The following MUC4 variants were observed in gnomAD, a reference collection of about 807,000 sequenced individuals.
MUC4 encodes mucin-4.
In MUC4, 202 loss-of-function variants were observed where a neutral mutation model predicts 257.9. The ratio of observed to expected loss-of-function variants is 0.78; its 90% confidence interval spans 0.70 to 0.88. The LOEUF (loss-of-function observed/expected upper bound fraction) is 0.88, where lower values mean the gene tolerates loss of function less well. MUC4 is among the 40% of genes least tolerant of loss of function. The pLI, the probability that MUC4 is intolerant of heterozygous loss-of-function variation, is 0.00. For missense variants in MUC4, 5,976 were observed against 6,513.7 expected (o/e 0.92, Z 2.84); for synonymous variants, 2,351 against 2,757.1 (o/e 0.85, Z 4.62).
intron 23 of MUC4, 71 bp downstream of exon 23, chr3:195,750,818 G>A (rs375068067): frequency 1.7e-5 from 23 of 1,375,444 alleles, no homozygotes; most frequent in Non-Finnish European, 2.4e-5. Flanking sequence ...TTGTTTGTGT[G>A]GGCTGAAGCA....
intron 13 of MUC4, 99 bp from the exon 14 acceptor site, chr3:195,762,353 T>G: frequency 7.6e-7 from 1 of 1,319,890 alleles, no homozygotes. Flanking sequence ...ACCCCGCCCC[T>G]GGGGCTGAAG....
At chr3:195,754,444 A>G in intron 18 of MUC4, 72 bp from the exon 19 acceptor site, 1 of 1,524,808 alleles carries the variant, frequency 6.6e-7, no homozygotes, top group Non-Finnish European at 8.8e-7. Context: ...TTTCTGACTG[A>G]CCCCTTTGGC....
At chr3:195,761,875 G>A (rs753965712) in intron 14 of MUC4, among the ~76,000 whole-genome samples, 7 of 152,042 alleles carry the variant, frequency 4.6e-5, no homozygotes, top group Admixed American at 2.6e-4. Context: ...AGCCCCCCCT[G>A]ATGCTCCCTT....
At position 195,753,147 on chromosome 3, in the gene MUC4, T is replaced by C; in HGVS notation, c.15412A>G (p.Thr5138Ala). The C allele has an allele frequency of 6.2e-7, 1 of 1,612,894 alleles. No individual in the cohort carries two copies. The highest frequency in any genetic ancestry group is 8.5e-7 in the Non-Finnish European group (1 of 1,179,630). The change falls in exon 20 of 25, where the codon ACT becomes GCT. Residue 5138 changes from threonine to alanine, a missense_variant. Physicochemically the swap from Thr to Ala is moderately conservative, Grantham distance 58. Transcript: ENST00000463781. ...GTGCACATGGGCTGACAGCCCAGAGTCTGGGAGATGTAGCAGTGGCCTTGA... is the reference window on the plus strand; with the variant it reads ...GTGCACATGGGCTGACAGCCCAGAGCCTGGGAGATGTAGCAGTGGCCTTGA... ...YNQGHCYISQ[T>A]LGCQPMCTCP...
At position 195,788,622 on chromosome 3, in the gene MUC4, G is replaced by T; in HGVS notation, c.2958C>A (p.Ser986=). 1 of 1,249,022 alleles carries T rather than the reference G, an allele frequency of 8.0e-7. No homozygotes were observed. The highest frequency in any genetic ancestry group is 1.1e-6 in the Non-Finnish European group (1 of 871,950). The allele number at this position is 1,249,022 out of a possible 1,614,324, so 77.4% of individuals were successfully genotyped here. ...CATGAAGAGGGGTGGTGTGACCTGT[G>T]GATGCCGAGGAAGCGTAGGTGACAG... is the stretch of plus-strand genomic sequence containing the variant. ...PLPVTYASSA[S]TGHTTPLHVT... The change falls in exon 2 of 25, where the codon TCC becomes TCA. Residue 986 remains serine, a synonymous_variant. Transcript: ENST00000463781.
chr3:195,772,794 C>T (rs1203925338), intron 4 of MUC4, among the ~76,000 whole-genome samples: 150 of 95,938 alleles, frequency 1.6e-3, no homozygotes, highest in South Asian at 3.2e-3. Context: ...GTAGACACCC[C>T]CTCTCCATCG....
rs71321851 is a variant in MUC4 at position 195,788,308 on chromosome 3, A to G, written c.3272T>C (p.Val1091Ala). Residue 1091 changes from valine to alanine, a missense_variant, in exon 2 of 25, where the codon GTC (valine) becomes GCC (alanine). Physicochemically the swap from Val to Ala is moderately conservative, Grantham distance 64. This residue lies in a region of MUC4 where 68 missense variants were observed against 90.4 expected (regional missense o/e 0.75). Transcript: ENST00000463781. ...ASTGDTTPLPVTDTSSASTGH... is the reference protein window; with the variant it reads ...ASTGDTTPLPATDTSSASTGH... ...TGTGGATGCTGAGGAAGTGTCAGTGACAGGAAGAGGGGTGGTGTCACCTGT... is the reference window on the plus strand; with the variant it reads ...TGTGGATGCTGAGGAAGTGTCAGTGGCAGGAAGAGGGGTGGTGTCACCTGT... The G allele has an allele frequency of 3.2e-6, 5 of 1,547,086 alleles. 1 individual carries two copies. Among genetic ancestry groups the G allele is most frequent in the Non-Finnish European group, 4.4e-6 (5 of 1,145,640 alleles).
rs374455331 is a variant in MUC4, at chr3:195,788,915, A to T, written c.2665T>A (p.Ser889Thr). The T allele has an allele frequency of 1.2e-6, 2 of 1,613,432 alleles. No individual in the cohort carries two copies. Among genetic ancestry groups the T allele is most frequent in the Non-Finnish European group, 1.7e-6 (2 of 1,179,726 alleles). The change falls in exon 2 of 25, where the codon TCA becomes ACA. Residue 889 changes from serine to threonine, a missense_variant. Transcript: ENST00000463781. ...GAGGCACTGGGAGAAGTTGGGCTTG[A>T]CTGTCCTGTCGGTCTCCCTGCAGTG... ...ASTAGRPTGQ[S>T]SPTSPSASPQ...
At chr3:195,754,885 G>A (rs1477908781) in intron 18 of MUC4, among the ~76,000 whole-genome samples, 1 of 63,508 alleles carries the variant, frequency 1.6e-5, no homozygotes, top group East Asian at 5.6e-4. Context: ...ATGTATCCAT[G>A]TATGTATCCA....
In MUC4 at chr3:195,791,278, A is replaced by G. The variant is rs1191332728; in HGVS notation, c.302T>C (p.Leu101Pro). The change falls in exon 2 of 25, where the codon CTT becomes CCT. Residue 101 changes from leucine to proline, a missense_variant. Transcript: ENST00000463781. ...DTLTQMMTST[L>P]FSSPSVHNVM... is the part of the protein sequence containing the mutation. ...ATTGTGTACACTTGGGGAAGAAAAA[A>G]GAGTTGATGTCATCATCTGCGTGAG... is the stretch of plus-strand genomic sequence containing the variant. The G allele has an allele frequency of 6.2e-7, 1 of 1,608,680 alleles. No homozygotes were observed. The highest frequency in any genetic ancestry group is 8.5e-7 in the Non-Finnish European group (1 of 1,177,190).
chr3:195,747,882 G>A (rs1281444964), intron 24 of MUC4, among the ~76,000 whole-genome samples: 2 of 151,880 alleles, frequency 1.3e-5, no homozygotes, highest in African/African-American at 4.9e-5. Flanking sequence ...ACAAAAACCT[G>A]GTGTGAATTC....
Position 195,750,967 on chromosome 3 carries a change from G to A in MUC4, c.15793C>T (p.Pro5265Ser), listed in dbSNP as rs975964525. Residue 5265 changes from proline (P) to serine (S), a missense_variant, in exon 23 of 25, where the codon CCA becomes TCA. Transcript: ENST00000463781. Reference sequence around the variant, plus strand: ...TTCCTGGGCTCCTCACTCCTCCGTGGAACGTGGTATAAGAACGCCTCCACC... The same window carrying A: ...TTCCTGGGCTCCTCACTCCTCCGTGAAACGTGGTATAAGAACGCCTCCACC... ...AVVEAFLYHV[P>S]RRSEEPRNDV... The A allele has an allele frequency of 5.6e-6, 9 of 1,613,992 alleles. No individual in the cohort carries two copies. In the African/African-American group the frequency reaches 8.0e-5, roughly 14 times the overall value.
chr3:195,748,103 C>T (rs1444072629), intron 24 of MUC4, among the ~76,000 whole-genome samples: 27 of 152,330 alleles, frequency 1.8e-4, no homozygotes, highest in African/African-American at 6.5e-4. Flanking sequence ...CTGCGTGGGG[C>T]CGCGGCTTCC....
rs547386338 is a variant in MUC4, at chr3:195,789,099, C to A, written c.2481G>T (p.Thr827=). ...TGGAGGGGTTTGATGAAAACCTTGT[C>A]GTCTCTCCTGAGGTGGATATTCCTT... ...GSEGISTSGE[T]TRFSSNPSRD... The change falls in exon 2 of 25, where the codon ACG becomes ACT. Residue 827 remains threonine, a synonymous_variant. Coordinates refer to ENST00000463781, the MANE Select transcript of MUC4 (RefSeq NM_018406.7). 1.2e-6 allele frequency: 2 copies of A among 1,611,924 alleles called. No homozygotes were observed. The highest frequency in any genetic ancestry group is 3.3e-5 in the Admixed American group (2 of 59,976).
chr3:195,754,031 A>T (rs1340345408), intron 19 of MUC4, 182 bp downstream of exon 19: 19 of 786,090 alleles, frequency 2.4e-5, no homozygotes, highest in Non-Finnish European at 3.7e-5. Flanking sequence ...AGGCCTGCCT[A>T]GATTTCCCAT....
chr3:195,808,390 A>G (rs1283360338), intron 1 of MUC4, among the ~76,000 whole-genome samples: 1 of 151,584 alleles, frequency 6.6e-6, no homozygotes, highest in Admixed American at 6.6e-5. Context: ...AAAATTTTTT[A>G]TTTTTAGTGG....
Position 195,748,956 on chromosome 3 carries a change from C to T in MUC4, c.15980G>A (p.Gly5327Asp), listed in dbSNP as rs777694467. Residue 5327 changes from glycine to aspartate, a missense_variant, in exon 24 of 25, where the codon GGC (glycine) becomes GAC (aspartate). Around this residue, in one of 44 missense-constraint regions of MUC4, gnomAD observed 310 missense variants for 242.1 expected, o/e 1.28. Coordinates refer to ENST00000463781, the MANE Select transcript of MUC4 (RefSeq NM_018406.7). ...GCACTGGCCTCCATGGTCACAGTAG[C>T]CCCTACTGCACGGGGACACGCAGGT... Reference protein sequence around the residue: ...GFTCVSPCSRGYCDHGGQCQH... With the variant: ...GFTCVSPCSRDYCDHGGQCQH... 3.1e-6 allele frequency: 5 copies of T among 1,606,940 alleles called. No homozygotes were observed. The East Asian group carries it at 6.7e-5, about 22-fold the overall frequency.
At chr3:195,793,005 G>A (rs766705841) in intron 1 of MUC4, among the ~76,000 whole-genome samples, 12 of 152,144 alleles carry the variant, frequency 7.9e-5, no homozygotes, top group Non-Finnish European at 1.8e-4. Flanking sequence ...GGGAGGAAGA[G>A]CGTCAGGATA....
chr3:195,747,640 G>T (rs183465710), intron 24 of MUC4, among the ~76,000 whole-genome samples: 468 of 152,272 alleles, frequency 3.1e-3, no homozygotes, highest in African/African-American at 0.011. Flanking sequence ...TGAGGCGGGC[G>T]CATCACTTGA....
Sources: allele counts gnomAD v4.1 joint callset (sites outside exome capture counted in the v4.1 genomes callset), GRCh38; gene constraint gnomAD v4.1.1; regional missense constraint gnomAD v4.1.1; transcripts MANE v1.5; gene names NCBI Gene and HGNC (gene_info 2026-07-23, HGNC 2026-07-21).